E2F3: variants seen among roughly 807,000 people sequenced by gnomAD.
E2F3 encodes transcription factor E2F3.
E2F3 carries 11 observed loss-of-function variants against 44.4 expected under a neutral mutation model. That is an observed-to-expected ratio of 0.25 (90% CI 0.16 to 0.41). The LOEUF (loss-of-function observed/expected upper bound fraction) is 0.41, where lower values mean the gene tolerates loss of function less well. Ranked by LOEUF, E2F3 falls within the 10% of genes least tolerant of loss-of-function variation. The pLI, the probability that E2F3 is intolerant of heterozygous loss-of-function variation, is 1.00. For synonymous variants in E2F3, 249 were observed against 253.0 expected, an observed-to-expected ratio of 0.98 and a Z score of 0.15; for missense variants, 487 against 583.6, an observed-to-expected ratio of 0.83 and a Z score of 1.70.
chr6:20,442,217 T>TATTCTTA (rs1316858132), intron 1 of E2F3, among the ~76,000 whole-genome samples: 1 of 152,184 alleles, frequency 6.6e-6, no homozygotes, highest in Non-Finnish European at 1.5e-5. Context: ...TGTGCAACTG[T>TATTCTTA]ATTCTTTAGT....
In E2F3 at chr6:20,493,027, G is replaced by A. The variant is rs1762595777; in HGVS notation, c.*2597G>A. The A allele has an allele frequency of 4.6e-6, 1 of 215,572 alleles. No homozygotes were observed. The highest frequency in any genetic ancestry group is 1.9e-4 in the South Asian group (1 of 5,362). The allele number at this position is 215,572 out of a possible 1,614,324, so 13.4% of individuals were successfully genotyped here. On this transcript the variant is annotated 3_prime_UTR_variant, in exon 7 of 7. Coordinates refer to ENST00000346618, the MANE Select transcript of E2F3 (RefSeq NM_001949.5). The stretch of plus-strand genomic sequence containing the variant: ...ATGTATAAAGGGCAACACATGAGCT[G>A]TCAAACAGTGTTAGGAGTGTGTTTA...
chr6:20,413,337 G>A (rs1440947981), intron 1 of E2F3, among the ~76,000 whole-genome samples: 1 of 152,168 alleles, frequency 6.6e-6, no homozygotes, highest in African/African-American at 2.4e-5. Flanking sequence ...GGCTAGTTGA[G>A]CACAGGGAAA....
intron 1 of E2F3, among the ~76,000 whole-genome samples, chr6:20,406,522 C>T (rs1303024351): frequency 6.6e-6 from 1 of 152,180 alleles, no homozygotes; most frequent in Non-Finnish European, 1.5e-5. Flanking sequence ...TTTAAGTGAT[C>T]TGTAATTAAT....
At chr6:20,427,669 C>T (rs9348428) in intron 1 of E2F3, among the ~76,000 whole-genome samples, 20,807 of 152,112 alleles carry the variant, frequency 0.14, 1,986 homozygotes, top group East Asian at 0.47. Context: ...ATTCTGCCGG[C>T]ATACATTTGG....
Position 20,401,939 on chromosome 6 carries a change from C to A in E2F3, c.-294C>A. 2.4e-6 allele frequency: 1 copy of A among 410,050 alleles called. No homozygotes were observed. The highest frequency in any genetic ancestry group is 4.2e-6 in the Non-Finnish European group (1 of 236,050). The allele number at this position is 410,050 out of a possible 1,614,324, so 25.4% of individuals were successfully genotyped here. A position where few individuals can be genotyped will look rare whatever the true frequency, so the allele number is the denominator to read the frequency against. ...TCAGCTGCCGGCCGCAGCACCCGGG[C>A]TGCCGCCGCCGCCTCGCAATCCGTT... On this transcript the variant is annotated 5_prime_UTR_variant, in exon 1 of 7. The change creates a new upstream start codon in the 5' untranslated region. Coordinates refer to ENST00000346618, the MANE Select transcript of E2F3 (RefSeq NM_001949.5).
rs1380448986 is a variant in E2F3 at position 20,476,814 on chromosome 6, A to G, written c.394-3032A>G. Among the ~76,000 whole-genome samples, 7 of 152,318 alleles carry G rather than the reference A, an allele frequency of 4.6e-5. 1 individual carries two copies. The East Asian group carries it at 1.4e-3, about 29-fold the overall frequency. On this transcript the variant is annotated intron_variant, in intron 1 of 6. Coordinates refer to ENST00000346618, the MANE Select transcript of E2F3 (RefSeq NM_001949.5). ...CAAACAGGGAGCTTCTGCCTGATAA[A>G]GAGTGAATGTTTGCTGGACCAACCA...
At chr6:20,418,189 G>C (rs936300800) in intron 1 of E2F3, among the ~76,000 whole-genome samples, 1 of 152,194 alleles carries the variant, frequency 6.6e-6, no homozygotes, top group Non-Finnish European at 1.5e-5. Context: ...GGGGACCGAC[G>C]TGTGGGCCTC....
At chr6:20,440,682 G>C (rs1760744248) in intron 1 of E2F3, among the ~76,000 whole-genome samples, 1 of 152,188 alleles carries the variant, frequency 6.6e-6, no homozygotes, top group South Asian at 2.1e-4. Flanking sequence ...CTCTGTAAAA[G>C]CTCATTAAAA....
intron 4 of E2F3, among the ~76,000 whole-genome samples, chr6:20,484,520 T>G (rs1198653643): frequency 1.3e-5 from 2 of 152,208 alleles, no homozygotes; most frequent in East Asian, 3.8e-4. Context: ...TACCTGGTTG[T>G]CAGTTTTTTC....
rs1406197870 is a variant in E2F3 at position 20,457,736 on chromosome 6, T to C, written c.394-22110T>C. Among the ~76,000 whole-genome samples the C allele has an allele frequency of 2.6e-5, 4 of 152,184 alleles. No homozygotes were observed. The East Asian group carries it at 7.7e-4, about 29-fold the overall frequency. ...TAAATTGTTGCTCTTCCTATAATCA[T>C]TGAGCTGCTGAATAGAGCCAGGGTC... is the stretch of plus-strand genomic sequence containing the variant. On this transcript the variant is annotated intron_variant, in intron 1 of 6. Transcript: ENST00000346618.
intron 1 of E2F3, among the ~76,000 whole-genome samples, chr6:20,452,840 G>A (rs944158844): frequency 2.0e-5 from 3 of 152,176 alleles, no homozygotes; most frequent in Non-Finnish European, 4.4e-5. Context: ...TGTAGTCCCA[G>A]CTGCTCAGGA....
intron 4 of E2F3, among the ~76,000 whole-genome samples, chr6:20,484,182 G>C (rs56215757): frequency 1.0e-3 from 154 of 152,340 alleles, no homozygotes; most frequent in African/African-American, 3.5e-3. Flanking sequence ...AGCTCTCTCT[G>C]GGGCCTTTGT....
intron 1 of E2F3, among the ~76,000 whole-genome samples, chr6:20,437,260 A>G (rs190787135): frequency 2.6e-5 from 4 of 152,338 alleles, no homozygotes; most frequent in Admixed American, 2.6e-4. Flanking sequence ...AATTTGAGCA[A>G]AATTTGATAG....
intron 1 of E2F3, among the ~76,000 whole-genome samples, chr6:20,450,414 CAT>C (rs1290589074): frequency 2.6e-5 from 4 of 152,152 alleles, no homozygotes; most frequent in African/African-American, 7.2e-5. Flanking sequence ...GGCTGCATCA[CAT>C]GTGTGTCTTT....
chr6:20,456,179 G>T (rs80068452), intron 1 of E2F3, among the ~76,000 whole-genome samples: 4 of 151,800 alleles, frequency 2.6e-5, no homozygotes, highest in Admixed American at 1.3e-4. Flanking sequence ...CTTCAGATAC[G>T]CTCACAGGCC....
At chr6:20,404,686 T>C (rs542627704) in intron 1 of E2F3, among the ~76,000 whole-genome samples, 25 of 151,712 alleles carry the variant, frequency 1.6e-4, no homozygotes, top group African/African-American at 5.8e-4. Context: ...AGATACTTGC[T>C]GGGCATGTGT....
intron 6 of E2F3, 78 bp downstream of exon 6, chr6:20,488,326 GC>G: frequency 6.8e-7 from 1 of 1,471,806 alleles, no homozygotes; most frequent in African/African-American, 1.4e-5. Context: ...GGAACCACAA[GC>G]CTAGGCAAGA....
intron 1 of E2F3, among the ~76,000 whole-genome samples, chr6:20,428,936 A>G (rs1760306201): frequency 6.6e-6 from 1 of 152,182 alleles, no homozygotes; most frequent in Admixed American, 6.5e-5. Flanking sequence ...CCAAAACACC[A>G]GAGGTTCTCG....
intron 1 of E2F3, among the ~76,000 whole-genome samples, chr6:20,416,628 TG>T (rs1287632290): frequency 1.3e-5 from 2 of 152,084 alleles, no homozygotes; most frequent in African/African-American, 4.8e-5. Context: ...GAAGTGGAAG[TG>T]GGGGTGAGCA....
Sources: allele counts gnomAD v4.1 joint callset (sites outside exome capture counted in the v4.1 genomes callset), GRCh38; gene constraint gnomAD v4.1.1; transcripts MANE v1.5; gene names NCBI Gene and HGNC (gene_info 2026-07-23, HGNC 2026-07-21).